The following CFAP20DC variants were observed in gnomAD, a reference collection of about 807,000 sequenced individuals.
CFAP20DC encodes CFAP20 domain containing.
CFAP20DC carries 84 observed loss-of-function variants against 101.7 expected under a neutral mutation model. The ratio of observed to expected loss-of-function variants is 0.83; its 90% CI spans 0.69 to 0.99. CFAP20DC has a LOEUF of 0.99. Among genes scored for constraint, CFAP20DC ranks in the 50% least tolerant of loss-of-function variants. The probability of loss-of-function intolerance (pLI) is 0.00; values close to 1 mark genes in which losing one functional copy is unlikely to be tolerated. For missense variants in CFAP20DC, 1,007 were observed against 970.3 expected, an observed-to-expected ratio of 1.04 and a Z score of -0.50; for synonymous variants, 359 against 351.2, an observed-to-expected ratio of 1.02 and a Z score of -0.25.
intron 3 of CFAP20DC, among the ~76,000 whole-genome samples, chr3:58,730,018 CAAAAAAAA>C (rs769033730): frequency 1.9e-5 from 1 of 53,512 alleles, no homozygotes; most frequent in African/African-American, 6.1e-5. Context: ...AACCTGTCTC[CAAAAAAAA>C]AAAAAAAAAA....
intron 14 of CFAP20DC, among the ~76,000 whole-genome samples, chr3:58,818,921 C>T (rs1400737175): frequency 1.2e-4 from 17 of 145,866 alleles, no homozygotes; most frequent in South Asian, 2.3e-4. Context: ...TGTAAAAGAA[C>T]AGAAATTATA....
intron 2 of CFAP20DC, 76 bp downstream of exon 2, chr3:59,047,089 G>T: frequency 1.0e-6 from 1 of 953,280 alleles, no homozygotes; most frequent in South Asian, 1.5e-5. Context: ...TCTGAAATTT[G>T]ATCACGCCCT....
At chr3:58,980,753 T>A (rs1402848796) in intron 4 of CFAP20DC, among the ~76,000 whole-genome samples, 1 of 152,188 alleles carries the variant, frequency 6.6e-6, no homozygotes, top group East Asian at 1.9e-4. Context: ...AATATCATAC[T>A]GAATGGGCAA....
At chr3:58,837,942 T>G (rs1181493001) in intron 13 of CFAP20DC, among the ~76,000 whole-genome samples, 1 of 152,188 alleles carries the variant, frequency 6.6e-6, no homozygotes, top group African/African-American at 2.4e-5. Flanking sequence ...TGATGGTAAA[T>G]TAGTGTTCCA....
intron 4 of CFAP20DC, among the ~76,000 whole-genome samples, chr3:58,939,510 G>A (rs2088201776): frequency 6.6e-6 from 1 of 151,950 alleles, no homozygotes; most frequent in Admixed American, 6.6e-5. Flanking sequence ...CCAGGCTGGA[G>A]TGCAGTGGCG....
chr3:58,930,192 C>CT (rs1369604149), intron 5 of CFAP20DC, among the ~76,000 whole-genome samples: 1 of 152,178 alleles, frequency 6.6e-6, no homozygotes, highest in African/African-American at 2.4e-5. Context: ...GCTCATCTGA[C>CT]TTTAAGTTTC....
chr3:58,867,965 CA>C (rs1352160976), intron 9 of CFAP20DC, 29 bp from the exon 10 acceptor site: 2 of 1,583,174 alleles, frequency 1.3e-6, no homozygotes, highest in Non-Finnish European at 1.7e-6. Context: ...GCACAAAAGC[CA>C]GAACAGAAAG....
intron 13 of CFAP20DC, among the ~76,000 whole-genome samples, chr3:58,836,257 G>GGTATTAGTATTGA (rs1218201044): frequency 1.3e-5 from 2 of 152,068 alleles, no homozygotes; most frequent in Admixed American, 1.3e-4. Context: ...TATATGTTGA[G>GGTATTAGTATTGA]GTATAGTATT....
chr3:58,840,968 G>A (rs1176958816), intron 13 of CFAP20DC, among the ~76,000 whole-genome samples: 1 of 152,220 alleles, frequency 6.6e-6, no homozygotes, highest in African/African-American at 2.4e-5. Flanking sequence ...CTGAGCCATG[G>A]TTTCCACTGC....
chr3:58,743,389 C>T (rs957294814), intron 16 of CFAP20DC, among the ~76,000 whole-genome samples: 1 of 152,078 alleles, frequency 6.6e-6, no homozygotes, highest in Admixed American at 6.5e-5. Flanking sequence ...TCTGAAAGTT[C>T]ATGTAATGAG....
intron 13 of CFAP20DC, among the ~76,000 whole-genome samples, chr3:58,838,785 G>T (rs377472266): frequency 6.6e-6 from 1 of 151,978 alleles, no homozygotes; most frequent in Non-Finnish European, 1.5e-5. Flanking sequence ...TAAGTTTCCC[G>T]CACCTATCTT....
chr3:58,848,312 C>G (rs546732427), intron 13 of CFAP20DC, among the ~76,000 whole-genome samples: 1 of 152,104 alleles, frequency 6.6e-6, no homozygotes, highest in Non-Finnish European at 1.5e-5. Context: ...TTGCTTAGAA[C>G]ATACTTGAAC....
Position 58,863,388 on chromosome 3 carries a change from G to A in CFAP20DC, c.1593+170C>T. 7.1e-7 allele frequency: 1 copy of A among 1,400,642 alleles called. No homozygotes were observed. Among genetic ancestry groups the A allele is most frequent in the Non-Finnish European group, 9.2e-7 (1 of 1,081,520 alleles). 86.8% of individuals were successfully genotyped at this position (1,400,642 alleles called of 1,614,324 possible). On this transcript the variant is annotated intron_variant, in intron 12 of 16. Coordinates refer to ENST00000482387, the MANE Select transcript of CFAP20DC (RefSeq NM_001394063.1). This position sits in a 1 kb window ranked among gnomAD's most constrained non-coding sequence, Gnocchi z 5.9. ...TGTTAATTAAAAAAAAAAAAAGACA[G>A]TTTAAAGTTACCATAACAACCTGAT...
Position 58,870,101 on chromosome 3 carries a change from C to G in CFAP20DC, c.852+72G>C, listed in dbSNP as rs1472576154. 1.0e-5 allele frequency: 9 copies of G among 859,468 alleles called. No homozygotes were observed. The African/African-American group carries it at 1.5e-4, about 15-fold the overall frequency. The allele number at this position is 859,468 out of a possible 1,614,324, so 53.2% of individuals were successfully genotyped here. A position where few individuals can be genotyped will look rare whatever the true frequency, so the allele number is the denominator to read the frequency against. On this transcript the variant is annotated intron_variant, in intron 8 of 16. Coordinates refer to ENST00000482387, the MANE Select transcript of CFAP20DC (RefSeq NM_001394063.1). ...TCTGTCTTTCCCTCCCTCCCTCCCT[C>G]TACAAGGGGAAGACACTCTTCCCTT... is the stretch of plus-strand genomic sequence containing the variant.
At chr3:58,959,345 C>T (rs1486906990) in intron 4 of CFAP20DC, among the ~76,000 whole-genome samples, 1 of 152,242 alleles carries the variant, frequency 6.6e-6, no homozygotes, top group African/African-American at 2.4e-5. Context: ...ACACCTGCCT[C>T]AGCCTCCCAA....
intron 15 of CFAP20DC, among the ~76,000 whole-genome samples, chr3:58,784,028 T>G (rs1293662169): frequency 6.6e-6 from 1 of 150,470 alleles, no homozygotes; most frequent in Non-Finnish European, 1.5e-5. Context: ...TAGGGGTACC[T>G]ATTGTTTCTA....
downstream of CFAP20DC, among the ~76,000 whole-genome samples, chr3:58,716,938 C>A (rs2067407223): frequency 6.6e-6 from 1 of 152,116 alleles, no homozygotes; most frequent in Non-Finnish European, 1.5e-5. Context: ...TAGGAGTGGC[C>A]AGATGAAACA....
intron 15 of CFAP20DC, among the ~76,000 whole-genome samples, chr3:58,792,338 G>T (rs370884831): frequency 6.6e-6 from 1 of 152,074 alleles, no homozygotes; most frequent in Admixed American, 6.6e-5. Flanking sequence ...ATTTTACTCC[G>T]AGTTTCATTG....
At chr3:58,840,003 A>T (rs1401989447) in intron 13 of CFAP20DC, among the ~76,000 whole-genome samples, 1 of 152,196 alleles carries the variant, frequency 6.6e-6, no homozygotes, top group Non-Finnish European at 1.5e-5. Flanking sequence ...AAAGAAACAA[A>T]CCATTCTGTA....
Sources: allele counts gnomAD v4.1 joint callset (sites outside exome capture counted in the v4.1 genomes callset), GRCh38; gene constraint gnomAD v4.1.1; non-coding constraint Gnocchi (gnomAD v3.1); transcripts MANE v1.5; gene names NCBI Gene and HGNC (gene_info 2026-07-23, HGNC 2026-07-21).